The following ADAMTS2 variants were observed in gnomAD, a reference collection of about 807,000 sequenced individuals.
ADAMTS2 encodes ADAM metallopeptidase with thrombospondin type 1 motif 2, also known as A disintegrin and metalloproteinase with thrombospondin motifs 2.
Under a neutral mutation model 123.0 loss-of-function variants are expected in ADAMTS2, and 50 were observed. The ratio of observed to expected loss-of-function variants is 0.41; its 90% CI spans 0.32 to 0.51. The LOEUF is 0.51. ADAMTS2 is among the 20% of genes least tolerant of loss of function. The pLI is 0.35. For missense variants in ADAMTS2, 1,494 were observed against 1,705.2 expected (o/e 0.88, Z 2.18); for synonymous variants, 678 against 695.4 (o/e 0.98, Z 0.39).
chr5:179,343,759 G>T lies in ADAMTS2; in HGVS notation c.534+8C>A, dbSNP rs748339894. ...GGAGAGAAAGGAGCTAGAGAAGTGCGTACTCACCAGCCCATCGCAGTTGCT... is the reference window on the plus strand; with the variant it reads ...GGAGAGAAAGGAGCTAGAGAAGTGCTTACTCACCAGCCCATCGCAGTTGCT... On this transcript the variant is annotated splice_region_variant and intron_variant, in intron 2 of 21. Coordinates refer to ENST00000251582, the MANE Select transcript of ADAMTS2 (RefSeq NM_014244.5). The T allele has an allele frequency of 5.0e-6, 8 of 1,609,350 alleles. No homozygotes were observed. The highest frequency in any genetic ancestry group is 6.8e-6 in the Non-Finnish European group (8 of 1,179,524).
chr5:179,224,057 G>A (rs766415001), intron 3 of ADAMTS2, among the ~76,000 whole-genome samples: 47 of 152,214 alleles, frequency 3.1e-4, no homozygotes, highest in Admixed American at 5.2e-4. Context: ...AGGACGAGGC[G>A]CAGCGTGGAT....
chr5:179,252,236 C>G lies in ADAMTS2; in HGVS notation c.688+20675G>C, dbSNP rs192088719. On this transcript the variant is annotated intron_variant, in intron 3 of 21. Transcript: ENST00000251582. ...TTTTGCCCGGGCTGGTCTCGAACCC[C>G]TGAGCTCAGGTGATCCATCCGCCTC... Among the ~76,000 whole-genome samples the G allele has an allele frequency of 5.1e-3, 779 of 152,164 alleles. 4 individuals are homozygous for G. Among genetic ancestry groups the G allele is most frequent in the Non-Finnish European group, 9.3e-3 (631 of 68,004 alleles).
chr5:179,290,994 G>A (rs1756168830), intron 2 of ADAMTS2, among the ~76,000 whole-genome samples: 1 of 152,202 alleles, frequency 6.6e-6, no homozygotes, highest in Non-Finnish European at 1.5e-5. Context: ...CCTGTGCATG[G>A]GGCCACGGAT....
At chr5:179,195,774 G>A (rs1012923931) in intron 4 of ADAMTS2, among the ~76,000 whole-genome samples, 2 of 152,190 alleles carry the variant, frequency 1.3e-5, no homozygotes, top group Non-Finnish European at 2.9e-5. Flanking sequence ...TGGCACACAG[G>A]GCCAGGCTGT....
intron 21 of ADAMTS2, chr5:179,120,948 A>C (rs564110881): frequency 2.6e-5 from 4 of 152,326 alleles, no homozygotes; most frequent in African/African-American, 9.6e-5. Flanking sequence ...CTAAGCAAAA[A>C]AGCAATAAAA....
At chr5:179,266,222 C>A (rs1028501530) in intron 3 of ADAMTS2, among the ~76,000 whole-genome samples, 3 of 152,216 alleles carry the variant, frequency 2.0e-5, no homozygotes, top group Non-Finnish European at 4.4e-5. Context: ...TGAATCATGA[C>A]CCCCGGACGT....
chr5:179,278,872 G>C lies in ADAMTS2; in HGVS notation c.535-5808C>G, dbSNP rs552634525. On this transcript the variant is annotated intron_variant, in intron 2 of 21. Coordinates refer to ENST00000251582, the MANE Select transcript of ADAMTS2 (RefSeq NM_014244.5). ...TTCCTTCTATAGAACCTGCTCCTTT[G>C]CAGTTGGATTGATGGTAAAGTAGTT... Among the ~76,000 whole-genome samples the C allele has an allele frequency of 9.2e-5, 14 of 151,538 alleles. No homozygotes were observed. In the South Asian group the frequency reaches 2.7e-3, roughly 30 times the overall value.
intron 4 of ADAMTS2, among the ~76,000 whole-genome samples, chr5:179,201,863 A>T (rs965593000): frequency 6.6e-6 from 1 of 152,062 alleles, no homozygotes; most frequent in Non-Finnish European, 1.5e-5. Flanking sequence ...CAATAAACCA[A>T]AAAACATGCT....
intron 19 of ADAMTS2, among the ~76,000 whole-genome samples, chr5:179,123,842 T>C: frequency 6.6e-6 from 1 of 152,230 alleles, no homozygotes; most frequent in East Asian, 1.9e-4. Flanking sequence ...CCAGTACCAG[T>C]TGGTCTGGGT....
intron 10 of ADAMTS2, among the ~76,000 whole-genome samples, chr5:179,146,837 A>G (rs1763257920): frequency 6.6e-6 from 1 of 152,192 alleles, no homozygotes; most frequent in Admixed American, 6.5e-5. Context: ...TCTAATAAAT[A>G]AATTAGAAAA....
intron 3 of ADAMTS2, among the ~76,000 whole-genome samples, chr5:179,245,584 G>A (rs1231650045): frequency 6.6e-6 from 1 of 150,392 alleles, no homozygotes; most frequent in Non-Finnish European, 1.5e-5. Flanking sequence ...GGCTAACACG[G>A]TGAAACCCCG....
intron 5 of ADAMTS2, among the ~76,000 whole-genome samples, chr5:179,167,390 C>T (rs1479196084): frequency 6.6e-6 from 1 of 152,194 alleles, no homozygotes; most frequent in African/African-American, 2.4e-5. Flanking sequence ...AAGACAGCCT[C>T]TGGGCCTCAC....
Position 179,115,451 on chromosome 5 carries a change from G to A in ADAMTS2, c.3179-1127C>T, listed in dbSNP as rs1361353312. On this transcript the variant is annotated intron_variant, in intron 21 of 21. Coordinates refer to ENST00000251582, the MANE Select transcript of ADAMTS2 (RefSeq NM_014244.5). The surrounding 1 kb of genome is among the most constrained non-coding windows in gnomAD (Gnocchi z 4.4). Reference sequence around the variant, plus strand: ...TATAAATTCCGAATCACTGACCTCCGTGAGCCCAACACCGCCTGTTGTGGT... The same window carrying A: ...TATAAATTCCGAATCACTGACCTCCATGAGCCCAACACCGCCTGTTGTGGT... Among the ~76,000 whole-genome samples the A allele has an allele frequency of 6.6e-6, 1 of 152,074 alleles. No homozygotes were observed. The highest frequency in any genetic ancestry group is 2.4e-5 in the African/African-American group (1 of 41,402).
In ADAMTS2 at chr5:179,307,950, C is replaced by G. The variant is rs1011122124; in HGVS notation, c.535-34886G>C. Among the ~76,000 whole-genome samples, 1 of 152,210 alleles carries G rather than the reference C, an allele frequency of 6.6e-6. No homozygotes were observed. The highest frequency in any genetic ancestry group is 2.4e-5 in the African/African-American group (1 of 41,426). ...CTCTGCCCCCTGACCAGGGATCTTA[C>G]GAGAGCAAAGTTGTCCTTGCTGGGT... On this transcript the variant is annotated intron_variant, in intron 2 of 21. Coordinates refer to ENST00000251582, the MANE Select transcript of ADAMTS2 (RefSeq NM_014244.5). The surrounding 1 kb of genome is among the most constrained non-coding windows in gnomAD (Gnocchi z 5.6).
In ADAMTS2 at chr5:179,114,191, G is replaced by T; in HGVS notation, c.3312C>A (p.Gly1104=). Residue 1104 remains glycine (G), a synonymous_variant, in exon 22 of 22, where the codon GGC becomes GGA. Coordinates refer to ENST00000251582, the MANE Select transcript of ADAMTS2 (RefSeq NM_014244.5). The part of the protein sequence containing the change: ...NLYNNLTNVE[G]RIEPPPGKHN... The stretch of plus-strand genomic sequence containing the variant: ...GCTTCCCAGGCGGTGGCTCTATCCT[G>T]CCCTCCACGTTGGTGAGGTTGTTGT... 6.2e-7 allele frequency: 1 copy of T among 1,612,154 alleles called. No homozygotes were observed. Among genetic ancestry groups the T allele is most frequent in the Non-Finnish European group, 8.5e-7 (1 of 1,178,398 alleles).
At chr5:179,127,227 A>C (rs1238737530) in intron 17 of ADAMTS2, among the ~76,000 whole-genome samples, 3 of 152,256 alleles carry the variant, frequency 2.0e-5, no homozygotes, top group East Asian at 3.9e-4. Context: ...TTCAGGAATC[A>C]CCAGGGGTGG....
intron 9 of ADAMTS2, 79 bp downstream of exon 9, chr5:179,153,412 C>T (rs1763403084): frequency 6.3e-7 from 1 of 1,590,672 alleles, no homozygotes; most frequent in African/African-American, 1.3e-5. Flanking sequence ...GGTCCTCACA[C>T]TGTCCCGGGA....
chr5:179,161,133 T>C (rs996021427), intron 5 of ADAMTS2, among the ~76,000 whole-genome samples: 1 of 151,698 alleles, frequency 6.6e-6, no homozygotes, highest in African/African-American at 2.4e-5. Context: ...AGGAAGGGAG[T>C]GGGTATCTGC....
intron 3 of ADAMTS2, among the ~76,000 whole-genome samples, chr5:179,208,852 C>T (rs1044821874): frequency 5.3e-5 from 8 of 152,216 alleles, no homozygotes; most frequent in African/African-American, 1.9e-4. Flanking sequence ...GACTCCTGGC[C>T]CGGGACAGAC....
Sources: allele counts gnomAD v4.1 joint callset (sites outside exome capture counted in the v4.1 genomes callset), GRCh38; gene constraint gnomAD v4.1.1; non-coding constraint Gnocchi (gnomAD v3.1); transcripts MANE v1.5; gene names NCBI Gene and HGNC (gene_info 2026-07-23, HGNC 2026-07-21).